Variants in PRR5L observed in about 807,000 individuals in gnomAD.
PRR5L encodes proline-rich protein 5-like.
In PRR5L, 21 loss-of-function variants were observed where a neutral mutation model predicts 36.4. That is an observed-to-expected ratio of 0.58 (90% CI 0.41 to 0.83). The LOEUF (loss-of-function observed/expected upper bound fraction) is 0.83. PRR5L is among the 40% of genes least tolerant of loss of function. The pLI is 0.00. For synonymous variants in PRR5L, 188 were observed against 197.0 expected (o/e 0.95, Z 0.38); for missense variants, 381 against 473.3 (o/e 0.80, Z 1.81).
At chr11:36,443,191 A>C (rs1411723645) in intron 6 of PRR5L, among the ~76,000 whole-genome samples, 4 of 152,222 alleles carry the variant, frequency 2.6e-5, no homozygotes, top group African/African-American at 9.6e-5. Context: ...CCGTGGCAGA[A>C]AGGTGATGGG....
At position 36,405,723 on chromosome 11, in the gene PRR5L, A is replaced by C. The variant is rs7924917; in HGVS notation, c.245+2345A>C. On this transcript the variant is annotated intron_variant, in intron 3 of 8. Coordinates refer to ENST00000530639, the MANE Select transcript of PRR5L (RefSeq NM_001160167.2). ...CATAGACTGGATGACTTAAACAACAAAAATTTATTTCTCAATGTCCTGGAG... is the reference window on the plus strand; with the variant it reads ...CATAGACTGGATGACTTAAACAACACAAATTTATTTCTCAATGTCCTGGAG... 1.2e-4 allele frequency among the ~76,000 whole-genome samples: 18 copies of C among 152,280 alleles called. No homozygotes were observed. In the East Asian group the frequency reaches 1.5e-3, roughly 13 times the overall value.
chr11:36,401,378 T>C, intron 2 of PRR5L, 93 bp downstream of exon 2: 1 of 1,273,596 alleles, frequency 7.9e-7, no homozygotes. Flanking sequence ...CTGCTGATTC[T>C]GGGAAGGCCG....
chr11:36,399,752 G>A (rs1857750333), intron 1 of PRR5L, among the ~76,000 whole-genome samples: 3 of 152,116 alleles, frequency 2.0e-5, no homozygotes, highest in Non-Finnish European at 2.9e-5. Context: ...TCTAATTCTC[G>A]CCTTTTAAGT....
At chr11:36,322,203 G>C (rs967796682) in intron 1 of PRR5L, among the ~76,000 whole-genome samples, 17 of 152,258 alleles carry the variant, frequency 1.1e-4, no homozygotes, top group African/African-American at 3.9e-4. Context: ...AGAGATTAAG[G>C]CAGCTCTTTT....
At chr11:36,306,908 G>A (rs1207378069) in intron 1 of PRR5L, among the ~76,000 whole-genome samples, 3 of 152,104 alleles carry the variant, frequency 2.0e-5, no homozygotes, top group Admixed American at 6.5e-5. Flanking sequence ...GTTGTATAAT[G>A]TTTAAAAAAT....
intron 6 of PRR5L, among the ~76,000 whole-genome samples, chr11:36,441,432 C>T (rs1858720560): frequency 6.6e-6 from 1 of 152,244 alleles, no homozygotes; most frequent in African/African-American, 2.4e-5. Flanking sequence ...TAGTCTTTGA[C>T]CCCATGTTCC....
Position 36,462,567 on chromosome 11 carries a change from G to T in PRR5L, c.938G>T (p.Gly313Val), listed in dbSNP as rs780657900. Residue 313 changes from glycine to valine, a missense_variant, in exon 9 of 9, where the codon GGG becomes GTG. By Grantham distance (109) the Gly-to-Val change is moderately radical (BLOSUM62 -3). Transcript: ENST00000530639. ...AMATMMHSGLGEEASSENKCL... is the reference protein window; with the variant it reads ...AMATMMHSGLVEEASSENKCL... Reference sequence around the variant, plus strand: ...GCCACCATGATGCACTCGGGCCTGGGGGAGGAGGCCAGCAGTGAGAACAAG... The same window carrying T: ...GCCACCATGATGCACTCGGGCCTGGTGGAGGAGGCCAGCAGTGAGAACAAG... 9.9e-6 allele frequency: 16 copies of T among 1,612,864 alleles called. No individual in the cohort carries two copies. The highest frequency in any genetic ancestry group is 1.4e-5 in the Non-Finnish European group (16 of 1,179,746).
intron 1 of PRR5L, among the ~76,000 whole-genome samples, chr11:36,326,302 T>TACACACACACACAC (rs3083243): frequency 1.5e-4 from 22 of 147,492 alleles, no homozygotes; most frequent in African/African-American, 4.3e-4. Context: ...CCCCAATAGA[T>TACACACACACACAC]ACACACACAC....
At chr11:36,422,719 C>T (rs1858294961) in intron 4 of PRR5L, among the ~76,000 whole-genome samples, 1 of 152,164 alleles carries the variant, frequency 6.6e-6, no homozygotes, top group Non-Finnish European at 1.5e-5. Flanking sequence ...CATGCCTGCA[C>T]ACAGAGAAGA....
At chr11:36,456,719 C>T (rs1398928626) in intron 8 of PRR5L, among the ~76,000 whole-genome samples, 1 of 152,234 alleles carries the variant, frequency 6.6e-6, no homozygotes, top group Non-Finnish European at 1.5e-5. Context: ...ATCAGTGGAG[C>T]ACCTCCTTTT....
At chr11:36,451,399 T>A in intron 8 of PRR5L, 64 bp downstream of exon 8, 3 of 1,585,004 alleles carry the variant, frequency 1.9e-6, no homozygotes, top group Non-Finnish European at 2.6e-6. Flanking sequence ...ACTGTTTAAC[T>A]GAGCACTGTT....
At chr11:36,368,199 T>C (rs1254342844) in intron 1 of PRR5L, among the ~76,000 whole-genome samples, 1 of 151,880 alleles carries the variant, frequency 6.6e-6, no homozygotes, top group Non-Finnish European at 1.5e-5. Context: ...AAGAGCAACA[T>C]CTAAGAGAGT....
intron 1 of PRR5L, among the ~76,000 whole-genome samples, chr11:36,309,689 A>G (rs1856477850): frequency 9.9e-3 from 3 of 302 alleles, no homozygotes; most frequent in South Asian, 0.045. Context: ...AAAGTCTCCA[A>G]AAATGTTTCC....
chr11:36,452,749 C>T lies in PRR5L; in HGVS notation c.712+1414C>T, dbSNP rs7483893. On this transcript the variant is annotated intron_variant, in intron 8 of 8. Transcript: ENST00000530639. ...CAGGTTAGCTGGGCCATGGCAGGAA[C>T]GCTACCATTGTTTGGGCCTAATGCC... Among the ~76,000 whole-genome samples the T allele has an allele frequency of 5.0e-3, 762 of 152,294 alleles. 6 individuals carry two copies. The highest frequency in any genetic ancestry group is 0.017 in the African/African-American group (696 of 41,578).
intron 5 of PRR5L, among the ~76,000 whole-genome samples, chr11:36,435,906 G>T (rs879833281): frequency 3.3e-5 from 5 of 152,198 alleles, no homozygotes; most frequent in Non-Finnish European, 7.3e-5. Flanking sequence ...GCTGCACCAT[G>T]CTAAGCACTA....
At chr11:36,406,215 T>TCCCAG (rs1182973397) in intron 3 of PRR5L, among the ~76,000 whole-genome samples, 8 of 152,198 alleles carry the variant, frequency 5.3e-5, no homozygotes, top group African/African-American at 1.9e-4. Flanking sequence ...AGCCCTCCTT[T>TCCCAG]CCAGTGTTGG....
chr11:36,409,927 G>T (rs1319669931), intron 3 of PRR5L, among the ~76,000 whole-genome samples: 1 of 152,202 alleles, frequency 6.6e-6, no homozygotes, highest in Non-Finnish European at 1.5e-5. Context: ...CCCTTAGTAA[G>T]TGGGCTGCAA....
rs532990242 is a variant in PRR5L at position 36,412,432 on chromosome 11, C to T, written c.246-6823C>T. ...GTTATGATGATGATGATTGTTTGTT[C>T]TAACAAGTAATTGCTTTTCTGTTGA... is the stretch of plus-strand genomic sequence containing the variant. On this transcript the variant is annotated intron_variant, in intron 3 of 8. Transcript: ENST00000530639. Among the ~76,000 whole-genome samples the T allele has an allele frequency of 3.8e-4, 58 of 152,264 alleles. No individual in the cohort carries two copies. In the South Asian group the frequency reaches 0.011, roughly 30 times the overall value.
At chr11:36,373,599 A>C (rs573421170) in intron 1 of PRR5L, among the ~76,000 whole-genome samples, 1 of 111,214 alleles carries the variant, frequency 9.0e-6, no homozygotes, top group Admixed American at 8.5e-5. Flanking sequence ...ACTCTGTTTT[A>C]AAAAAAAAAA....
Sources: gnomAD v4.1 joint callset for allele counts (sites outside exome capture counted in the v4.1 genomes callset) on GRCh38, gnomAD v4.1.1 for gene constraint, MANE v1.5 for transcripts, NCBI Gene and HGNC (gene_info 2026-07-23, HGNC 2026-07-21) for gene names.